ZFYVE9: variants seen among roughly 807,000 people sequenced by gnomAD.
ZFYVE9 encodes zinc finger FYVE-type containing 9.
A neutral mutation model predicts 126.7 loss-of-function variants in ZFYVE9; 43 were observed. That is an observed-to-expected ratio of 0.34 (90% CI 0.27 to 0.44). The LOEUF (loss-of-function observed/expected upper bound fraction) is 0.44. Ranked by LOEUF, ZFYVE9 falls within the 20% of genes least tolerant of loss-of-function variation. The pLI, the probability that ZFYVE9 is intolerant of heterozygous loss-of-function variation, is 1.00. For synonymous variants in ZFYVE9, 521 were observed against 597.4 expected (o/e 0.87, Z 1.87); for missense variants, 1,476 against 1,697.0 (o/e 0.87, Z 2.29).
intron 1 of ZFYVE9, among the ~76,000 whole-genome samples, chr1:52,182,561 T>C (rs1429432223): frequency 6.6e-6 from 1 of 151,958 alleles, no homozygotes; most frequent in Non-Finnish European, 1.5e-5. Context: ...GCATGCTTGT[T>C]AAGAGTCATC....
At chr1:52,318,908 G>T (rs1194811024) in intron 13 of ZFYVE9, among the ~76,000 whole-genome samples, 2 of 152,090 alleles carry the variant, frequency 1.3e-5, no homozygotes, top group African/African-American at 4.8e-5. Context: ...ACCAGCCTGG[G>T]CAACACGGTG....
intron 8 of ZFYVE9, among the ~76,000 whole-genome samples, chr1:52,276,711 ATTC>A (rs1457708617): frequency 1.3e-5 from 2 of 152,208 alleles, no homozygotes; most frequent in Non-Finnish European, 2.9e-5. Context: ...TTAATGGTTA[ATTC>A]TTCTCTGAAT....
At chr1:52,301,243 T>C (rs1646030684) in intron 12 of ZFYVE9, among the ~76,000 whole-genome samples, 1 of 148,808 alleles carries the variant, frequency 6.7e-6, no homozygotes, top group Non-Finnish European at 1.5e-5. Flanking sequence ...TTTGTTCCTC[T>C]CTACATAACA....
chr1:52,231,870 A>T (rs1452607308), intron 2 of ZFYVE9, among the ~76,000 whole-genome samples: 1 of 151,892 alleles, frequency 6.6e-6, no homozygotes, highest in Non-Finnish European at 1.5e-5. Context: ...CAGGTGATCT[A>T]CCCACGTTGG....
At chr1:52,148,255 G>T (rs535216110) in intron 1 of ZFYVE9, among the ~76,000 whole-genome samples, 1 of 151,850 alleles carries the variant, frequency 6.6e-6, no homozygotes, top group African/African-American at 2.4e-5. Flanking sequence ...TGGGCCGATC[G>T]CCTGAGGTCA....
Position 52,346,122 on chromosome 1 carries a change from C to T in ZFYVE9, c.4179C>T (p.Asp1393=). 1 of 1,613,486 alleles carries T rather than the reference C, an allele frequency of 6.2e-7. No individual in the cohort carries two copies. Among genetic ancestry groups the T allele is most frequent in the East Asian group, 2.2e-5 (1 of 44,864 alleles). ...PLPSQYMNDL[D]SALVPVIHGG... The stretch of plus-strand genomic sequence containing the variant: ...CCTCGCAGTACATGAATGATCTGGA[C>T]AGCGCCTTGGTGCCGGTGATCCATG... Residue 1393 remains aspartate, a synonymous_variant, in exon 19 of 19, where the codon GAC becomes GAT. Transcript: ENST00000287727.
intron 13 of ZFYVE9, among the ~76,000 whole-genome samples, chr1:52,327,384 AC>A (rs1646301168): frequency 6.6e-6 from 1 of 151,910 alleles, no homozygotes; most frequent in African/African-American, 2.4e-5. Context: ...CGGGCAGATC[AC>A]AAGGTCAGGA....
At chr1:52,218,376 T>C (rs1405430080) in intron 2 of ZFYVE9, among the ~76,000 whole-genome samples, 4 of 152,156 alleles carry the variant, frequency 2.6e-5, no homozygotes, top group African/African-American at 9.7e-5. Flanking sequence ...AATGTCAAAT[T>C]TTCCCCTTGT....
intron 8 of ZFYVE9, among the ~76,000 whole-genome samples, chr1:52,277,340 G>A (rs1470146594): frequency 6.6e-6 from 1 of 152,128 alleles, no homozygotes; most frequent in East Asian, 1.9e-4. Context: ...TTGTTAAAAA[G>A]AGTCAGATTG....
chr1:52,254,118 G>A (rs1645479436), intron 4 of ZFYVE9: 6 of 753,832 alleles, frequency 8.0e-6, no homozygotes, highest in Admixed American at 2.3e-5. Context: ...GTAGAAGAGA[G>A]CGCCATTGGT....
At chr1:52,229,995 G>A (rs577846603) in intron 2 of ZFYVE9, among the ~76,000 whole-genome samples, 56 of 152,092 alleles carry the variant, frequency 3.7e-4, no homozygotes, top group African/African-American at 1.3e-3. Flanking sequence ...AGCTTCCTGA[G>A]TAGCTGGGAC....
intron 10 of ZFYVE9, among the ~76,000 whole-genome samples, chr1:52,289,648 CCTTT>C (rs1569680872): frequency 3.3e-5 from 5 of 152,236 alleles, no homozygotes; most frequent in Non-Finnish European, 1.5e-5. Context: ...CAGATGAAAG[CCTTT>C]CTTTCTTTGT....
chr1:52,290,235 G>A (rs1349797279), intron 10 of ZFYVE9, among the ~76,000 whole-genome samples: 2 of 152,230 alleles, frequency 1.3e-5, no homozygotes, highest in Non-Finnish European at 1.5e-5. Context: ...GGGGAAGAGA[G>A]AGAAAGAATG....
At chr1:52,208,578 C>T (rs1462818658) in intron 1 of ZFYVE9, among the ~76,000 whole-genome samples, 6 of 150,628 alleles carry the variant, frequency 4.0e-5, no homozygotes, top group Admixed American at 1.3e-4. Flanking sequence ...CTTGGCCTGG[C>T]GCGATCTCAG....
intron 12 of ZFYVE9, among the ~76,000 whole-genome samples, chr1:52,302,338 T>C (rs1022783359): frequency 1.3e-5 from 2 of 152,238 alleles, no homozygotes; most frequent in African/African-American, 4.8e-5. Flanking sequence ...TTTCAGTAAA[T>C]GGCAGTTCCA....
chr1:52,267,045 C>G (rs1384294247), intron 6 of ZFYVE9, among the ~76,000 whole-genome samples: 1 of 152,164 alleles, frequency 6.6e-6, no homozygotes, highest in African/African-American at 2.4e-5. Context: ...AGAGGCACCT[C>G]AGAATATATG....
intron 1 of ZFYVE9, among the ~76,000 whole-genome samples, chr1:52,152,854 G>A (rs1366519476): frequency 2.0e-5 from 3 of 152,226 alleles, no homozygotes; most frequent in Admixed American, 6.5e-5. Context: ...GGAAGCAGAC[G>A]TTGAAATGGA....
intron 13 of ZFYVE9, among the ~76,000 whole-genome samples, chr1:52,311,619 G>A (rs551217897): frequency 2.6e-5 from 4 of 152,076 alleles, no homozygotes; most frequent in Non-Finnish European, 5.9e-5. Context: ...CTCTCTTCTG[G>A]AATATGGGTA....
At chr1:52,256,830 T>G (rs968115974) in intron 4 of ZFYVE9, among the ~76,000 whole-genome samples, 1 of 150,118 alleles carries the variant, frequency 6.7e-6, no homozygotes, top group African/African-American at 2.5e-5. Context: ...ACTCCTGCAT[T>G]TGACAATTTT....
Sources: gnomAD v4.1 joint callset for allele counts (sites outside exome capture counted in the v4.1 genomes callset) on GRCh38, gnomAD v4.1.1 for gene constraint, MANE v1.5 for transcripts, NCBI Gene and HGNC (gene_info 2026-07-23, HGNC 2026-07-21) for gene names.